KCTD16: variants seen among roughly 807,000 people sequenced by gnomAD.
KCTD16 encodes BTB/POZ domain-containing protein KCTD16.
KCTD16 carries 13 observed loss-of-function variants against 33.2 expected under a neutral mutation model. The observed-to-expected ratio is 0.39, with a 90% CI of 0.25 to 0.62. The LOEUF (loss-of-function observed/expected upper bound fraction) is 0.62, where lower values mean the gene tolerates loss of function less well. Among genes scored for constraint, KCTD16 ranks in the 20% least tolerant of loss-of-function variants. The pLI is 0.50. For missense variants in KCTD16, 441 were observed against 525.1 expected, an observed-to-expected ratio of 0.84 and a Z score of 1.57; for synonymous variants, 197 against 195.3, an observed-to-expected ratio of 1.01 and a Z score of -0.07.
In KCTD16 at chr5:144,434,043, C is replaced by G. The variant is rs144065078; in HGVS notation, c.833-39617C>G. Among the ~76,000 whole-genome samples, 482 of 152,286 alleles carry G rather than the reference C, an allele frequency of 3.2e-3. 4 individuals carry two copies. The highest frequency in any genetic ancestry group is 3.9e-3 in the Non-Finnish European group (265 of 68,028). ...CCCTCAGCTCTACTAATCTGTGAAA[C>G]TGTTTCCCACTTCCTAGCACACTGA... is the stretch of plus-strand genomic sequence containing the variant. On this transcript the variant is annotated intron_variant, in intron 3 of 3. Transcript: ENST00000512467.
Position 144,482,270 on chromosome 5 carries a change from AT to A in KCTD16, c.*8159del, listed in dbSNP as rs1238643166. On this transcript the variant is annotated 3_prime_UTR_variant, in exon 4 of 4. Coordinates refer to ENST00000512467, the MANE Select transcript of KCTD16 (RefSeq NM_020768.4). ...TGCCTAGGAGGTAAAGAAAGGGCAG[AT>A]TTGCTACAGCTTGTACTTTATGCCA... 1 of 151,890 alleles carries A rather than the reference AT, an allele frequency of 6.6e-6. No individual in the cohort carries two copies. Among genetic ancestry groups the A allele is most frequent in the Non-Finnish European group, 1.5e-5 (1 of 67,900 alleles). 9.4% of individuals were successfully genotyped at this position (151,890 alleles called of 1,614,324 possible).
chr5:144,343,968 G>T lies in KCTD16; in HGVS notation c.833-129692G>T, dbSNP rs540014257. On this transcript the variant is annotated intron_variant, in intron 3 of 3. Transcript: ENST00000512467. ...ACCTGACTTCAAACTATACTACAAG[G>T]CTACAGTAACCAAAACAGCATGGTA... is the stretch of plus-strand genomic sequence containing the variant. 8.5e-5 allele frequency among the ~76,000 whole-genome samples: 13 copies of T among 152,204 alleles called. 1 individual carries two copies. The South Asian group carries it at 2.3e-3, about 27-fold the overall frequency.
intron 3 of KCTD16, among the ~76,000 whole-genome samples, chr5:144,232,440 C>A (rs76468214): frequency 1.3e-5 from 2 of 152,162 alleles, no homozygotes; most frequent in Non-Finnish European, 2.9e-5. Context: ...CTAAGCAACT[C>A]GCTCAAGGTC....
chr5:144,422,335 T>C lies in KCTD16; in HGVS notation c.833-51325T>C, dbSNP rs190704940. ...ATTTGGGAATTGGAATGGTGTGCCA[T>C]GTATTCATCTTCTCACTTTCTTAAG... On this transcript the variant is annotated intron_variant, in intron 3 of 3. Transcript: ENST00000512467. Among the ~76,000 whole-genome samples, 31 of 152,290 alleles carry C rather than the reference T, an allele frequency of 2.0e-4. No individual in the cohort carries two copies. In the East Asian group the frequency reaches 5.8e-3, roughly 28 times the overall value.
intron 3 of KCTD16, among the ~76,000 whole-genome samples, chr5:144,296,479 T>C (rs1258411032): frequency 6.6e-6 from 1 of 152,210 alleles, no homozygotes; most frequent in Non-Finnish European, 1.5e-5. Context: ...TCCAGTTCTC[T>C]GGGGGCCAGT....
intron 3 of KCTD16, among the ~76,000 whole-genome samples, chr5:144,297,556 T>C (rs1183177047): frequency 6.6e-6 from 1 of 152,194 alleles, no homozygotes; most frequent in East Asian, 1.9e-4. Context: ...AGTAAAACAC[T>C]TTCAAGATAT....
intron 3 of KCTD16, among the ~76,000 whole-genome samples, chr5:144,433,150 G>A (rs1753501822): frequency 6.6e-6 from 1 of 152,174 alleles, no homozygotes. Context: ...AGCCAGAATA[G>A]TAAGTGTAGG....
At chr5:144,435,581 A>G (rs1753557099) in intron 3 of KCTD16, among the ~76,000 whole-genome samples, 1 of 152,228 alleles carries the variant, frequency 6.6e-6, no homozygotes, top group African/African-American at 2.4e-5. Context: ...TGCAATAAAT[A>G]TTCTTGCACA....
At chr5:144,196,489 T>C (rs1238080236) in intron 2 of KCTD16, among the ~76,000 whole-genome samples, 1 of 152,232 alleles carries the variant, frequency 6.6e-6, no homozygotes, top group African/African-American at 2.4e-5. Context: ...CATCTAATTT[T>C]TAATCTTAAT....
intron 3 of KCTD16, among the ~76,000 whole-genome samples, chr5:144,392,196 A>G (rs1257125575): frequency 6.6e-6 from 1 of 152,194 alleles, no homozygotes; most frequent in Non-Finnish European, 1.5e-5. Context: ...CTGGCAAGCC[A>G]GGGCAGGAAT....
rs148025020 is a variant in KCTD16, at chr5:144,196,716, T to C, written c.-326-9673T>C. Among the ~76,000 whole-genome samples the C allele has an allele frequency of 8.3e-3, 1,257 of 152,330 alleles. 11 individuals carry two copies. Among genetic ancestry groups the C allele is most frequent in the Non-Finnish European group, 0.011 (777 of 68,028 alleles). Reference sequence around the variant, plus strand: ...CACTCCATTTGTTCATAGGCATTCTTTTTCCTGATGAATGGCAACCAGATT... The same window carrying C: ...CACTCCATTTGTTCATAGGCATTCTCTTTCCTGATGAATGGCAACCAGATT... On this transcript the variant is annotated intron_variant, in intron 2 of 3. Coordinates refer to ENST00000512467, the MANE Select transcript of KCTD16 (RefSeq NM_020768.4).
intron 3 of KCTD16, among the ~76,000 whole-genome samples, chr5:144,395,659 C>G (rs943407397): frequency 6.6e-6 from 1 of 152,206 alleles, no homozygotes; most frequent in Non-Finnish European, 1.5e-5. Flanking sequence ...AATAATCCCC[C>G]TATTAGAGTT....
intron 3 of KCTD16, among the ~76,000 whole-genome samples, chr5:144,414,182 G>T (rs1170794733): frequency 1.3e-5 from 2 of 152,150 alleles, no homozygotes; most frequent in Non-Finnish European, 2.9e-5. Flanking sequence ...GTGGAGGCAT[G>T]ATACCCTGTC....
At chr5:144,304,864 C>G (rs1751554797) in intron 3 of KCTD16, among the ~76,000 whole-genome samples, 1 of 152,172 alleles carries the variant, frequency 6.6e-6, no homozygotes, top group South Asian at 2.1e-4. Flanking sequence ...ATTAGCACCA[C>G]CTTTTGGTTG....
intron 3 of KCTD16, among the ~76,000 whole-genome samples, chr5:144,288,775 GC>G: frequency 6.6e-6 from 1 of 152,178 alleles, no homozygotes; most frequent in Non-Finnish European, 1.5e-5. Flanking sequence ...TTCGAGACTG[GC>G]CTGGCCAAGA....
At chr5:144,285,670 A>C (rs1434819365) in intron 3 of KCTD16, among the ~76,000 whole-genome samples, 1 of 152,242 alleles carries the variant, frequency 6.6e-6, no homozygotes, top group East Asian at 1.9e-4. Flanking sequence ...ACAAATATGG[A>C]ACTAATGAGT....
At position 144,474,995 on chromosome 5, in the gene KCTD16, A is replaced by G. The variant is rs1337986338; in HGVS notation, c.*881A>G. 2.0e-5 allele frequency: 3 copies of G among 152,172 alleles called. No individual in the cohort carries two copies. The highest frequency in any genetic ancestry group is 7.2e-5 in the African/African-American group (3 of 41,432). 9.4% of individuals were successfully genotyped at this position (152,172 alleles called of 1,614,324 possible). A position where few individuals can be genotyped will look rare whatever the true frequency, so the allele number is the denominator to read the frequency against. On this transcript the variant is annotated 3_prime_UTR_variant, in exon 4 of 4. Coordinates refer to ENST00000512467, the MANE Select transcript of KCTD16 (RefSeq NM_020768.4). ...AAAAAATCAAACATTCATATCCACA[A>G]AATTTTCTGCTAAATGACTCCACAC...
intron 3 of KCTD16, among the ~76,000 whole-genome samples, chr5:144,392,831 C>T (rs899548051): frequency 2.0e-5 from 3 of 152,150 alleles, no homozygotes; most frequent in Admixed American, 6.5e-5. Flanking sequence ...CACATGCGCA[C>T]GTGAAGCCTC....
chr5:144,218,557 T>G (rs527948825), intron 3 of KCTD16, among the ~76,000 whole-genome samples: 2 of 152,338 alleles, frequency 1.3e-5, no homozygotes, highest in Non-Finnish European at 2.9e-5. Context: ...TTTTTTTAAC[T>G]CTTCAGGTTT....
Sources: allele counts gnomAD v4.1 joint callset (sites outside exome capture counted in the v4.1 genomes callset), GRCh38; gene constraint gnomAD v4.1.1; transcripts MANE v1.5; gene names NCBI Gene and HGNC (gene_info 2026-07-23, HGNC 2026-07-21).